The following DAPK2 variants were observed in gnomAD, a reference collection of about 807,000 sequenced individuals.
DAPK2 encodes the protein death associated protein kinase 2, also known as death-associated protein kinase 2.
In DAPK2, 35 loss-of-function variants were observed where a neutral mutation model predicts 44.1. That is an observed-to-expected ratio of 0.79 (90% CI 0.61 to 1.05). The LOEUF (loss-of-function observed/expected upper bound fraction) is 1.05. DAPK2 is among the 50% of genes least tolerant of loss of function. The pLI, the probability that DAPK2 is intolerant of heterozygous loss-of-function variation, is 0.00. For missense variants in DAPK2, 453 were observed against 483.2 expected, an observed-to-expected ratio of 0.94 and a Z score of 0.59; for synonymous variants, 174 against 182.6, an observed-to-expected ratio of 0.95 and a Z score of 0.38.
chr15:63,984,266 C>A (rs764197855), intron 1 of DAPK2, among the ~76,000 whole-genome samples: 2 of 152,208 alleles, frequency 1.3e-5, no homozygotes, highest in African/African-American at 2.4e-5. Context: ...AAGGATAGGT[C>A]ATGTGACTCG....
At chr15:63,967,415 G>A (rs1480385168) in intron 3 of DAPK2, among the ~76,000 whole-genome samples, 2 of 152,142 alleles carry the variant, frequency 1.3e-5, no homozygotes, top group African/African-American at 4.8e-5. Flanking sequence ...ACTGGGTATG[G>A]TGGCTCATGC....
chr15:64,040,087 T>C, intron 1 of DAPK2, 83 bp downstream of exon 2: 2 of 1,131,366 alleles, frequency 1.8e-6, no homozygotes, highest in Admixed American at 3.4e-5. Flanking sequence ...GGCCCTGCCT[T>C]CCAACACCAA....
At chr15:64,041,384 C>A (rs559503512), upstream of DAPK2, among the ~76,000 whole-genome samples, 1 of 152,346 alleles carries the variant, frequency 6.6e-6, no homozygotes, top group South Asian at 2.1e-4. Flanking sequence ...AACTCTGAGC[C>A]ATGGGGAGCA....
At position 63,935,005 on chromosome 15, in the gene DAPK2, T is replaced by C. The variant is rs370550724; in HGVS notation, c.583+4227A>G. ...CATCTTTTAGAAGTTCTGCTAATGA[T>C]GGTGTATTGGTGGCAAACTCTATAT... is the stretch of plus-strand genomic sequence containing the variant. On this transcript the variant is annotated intron_variant, in intron 4 of 10. Transcript: ENST00000261891. 8.5e-4 allele frequency among the ~76,000 whole-genome samples: 130 copies of C among 152,318 alleles called. 1 individual carries two copies. Among genetic ancestry groups the C allele is most frequent in the African/African-American group, 3.1e-3 (127 of 41,572 alleles).
chr15:63,930,205 T>A lies in DAPK2; in HGVS notation c.632+202A>T, dbSNP rs188294840. On this transcript the variant is annotated intron_variant, in intron 5 of 10. Coordinates refer to ENST00000261891, the Ensembl canonical transcript of DAPK2. ...ACAAAGCTCTGACCTGGCCAGGAGCTAACTGGCCTCAGGTCCAGGCCTAGA... is the reference window on the plus strand; with the variant it reads ...ACAAAGCTCTGACCTGGCCAGGAGCAAACTGGCCTCAGGTCCAGGCCTAGA... Among the ~76,000 whole-genome samples the A allele has an allele frequency of 3.9e-4, 59 of 152,348 alleles. 1 individual carries two copies. In the East Asian group the frequency reaches 7.7e-3, roughly 20 times the overall value.
intron 1 of DAPK2, among the ~76,000 whole-genome samples, chr15:63,991,644 G>A (rs1258261010): frequency 6.6e-6 from 1 of 152,174 alleles, no homozygotes; most frequent in Non-Finnish European, 1.5e-5. Flanking sequence ...AACCCCAAAA[G>A]CTCCAGGGAA....
rs113286215 is a variant in DAPK2 at position 63,976,058 on chromosome 15, A to G, written c.315-4497T>C. ...CACTCAATAATCTTAGCATCATGAA[A>G]AGTAGAACAACCGGACATAAAATAG... On this transcript the variant is annotated intron_variant, in intron 2 of 10. Transcript: ENST00000261891. 5.4e-3 allele frequency among the ~76,000 whole-genome samples: 818 copies of G among 152,342 alleles called. 10 individuals carry two copies. The highest frequency in any genetic ancestry group is 0.019 in the African/African-American group (788 of 41,578).
rs200808263 is a variant in DAPK2, at chr15:63,983,660, G to A, written c.187C>T (p.Arg63Trp). 1.2e-4 allele frequency: 201 copies of A among 1,613,980 alleles called. No individual in the cohort carries two copies. In the Middle Eastern group the frequency reaches 5.1e-3, roughly 41 times the overall value. Residue 63 changes from arginine to tryptophan, a missense_variant, in exon 2 of 11, where the codon CGG becomes TGG. Transcript: ENST00000261891. ...ATCTCCTCCCGGCTCACACCGCGCC[G>A]GCTCGCCCGGCTCTGCCGCTTCTTG...
intron 1 of DAPK2, among the ~76,000 whole-genome samples, chr15:63,984,344 A>C (rs2078614071): frequency 6.6e-6 from 1 of 152,230 alleles, no homozygotes; most frequent in African/African-American, 2.4e-5. Context: ...GGCTGTCCAC[A>C]AAGCCTCTGA....
At chr15:63,991,434 T>A in intron 1 of DAPK2, 1 of 425,806 alleles carries the variant, frequency 2.3e-6, no homozygotes, top group Non-Finnish European at 4.7e-6. Context: ...CATGAGCCTG[T>A]TTCCCCTCCC....
chr15:64,026,910 C>T (rs944536740), intron 1 of DAPK2, among the ~76,000 whole-genome samples: 1 of 152,160 alleles, frequency 6.6e-6, no homozygotes, highest in Non-Finnish European at 1.5e-5. Context: ...GTTGGCCTTA[C>T]CTACCTTGTG....
At chr15:64,045,977 G>T (rs1325307077) in intron 1 of DAPK2, among the ~76,000 whole-genome samples, 1 of 152,238 alleles carries the variant, frequency 6.6e-6, no homozygotes, top group African/African-American at 2.4e-5. Context: ...TGCTCTGCCC[G>T]TTCCAGGGGG....
intron 1 of DAPK2, among the ~76,000 whole-genome samples, chr15:64,015,503 GC>G (rs1445983863): frequency 2.0e-5 from 3 of 152,198 alleles, no homozygotes; most frequent in Non-Finnish European, 4.4e-5. Flanking sequence ...ACAGGGGTGG[GC>G]AGTCATAGTG....
chr15:64,040,148 C>G (rs760637917), intron 1 of DAPK2, 22 bp downstream of exon 2: 1 of 1,597,456 alleles, frequency 6.3e-7, no homozygotes, highest in Non-Finnish European at 8.6e-7. Context: ...GGCATCCCCC[C>G]ACCTCTCACA....
intron 7 of DAPK2, among the ~76,000 whole-genome samples, chr15:63,925,678 G>GCGCGCGCGCGCA (rs1352051474): frequency 7.2e-6 from 1 of 138,446 alleles, no homozygotes; most frequent in African/African-American, 2.8e-5. Flanking sequence ...GACTTGTAGC[G>GCGCGCGCGCGCA]CACACACACA....
intron 4 of DAPK2, among the ~76,000 whole-genome samples, chr15:63,932,008 T>TA (rs1178894971): frequency 6.0e-5 from 9 of 149,748 alleles, no homozygotes; most frequent in African/African-American, 1.5e-4. Context: ...CTACTAAAAA[T>TA]AAAAAAAAAT....
rs576837997 is a variant in DAPK2, at chr15:63,935,044, T to G, written c.583+4188A>C. On this transcript the variant is annotated intron_variant, in intron 4 of 10. Coordinates refer to ENST00000261891, the Ensembl canonical transcript of DAPK2. The stretch of plus-strand genomic sequence containing the variant: ...CAAACTCTATATCAATGTTTTGGGG[T>G]TTTTTTTTAATTGTTCTTATTTGTT... Among the ~76,000 whole-genome samples the G allele has an allele frequency of 1.8e-3, 265 of 151,092 alleles. 1 individual carries two copies. The South Asian group carries it at 0.025, about 14-fold the overall frequency.
At chr15:63,999,987 G>A (rs896528588) in intron 1 of DAPK2, among the ~76,000 whole-genome samples, 3 of 151,776 alleles carry the variant, frequency 2.0e-5, no homozygotes, top group African/African-American at 4.8e-5. Context: ...GGCTGGTCTC[G>A]AACTCCTGGG....
intron 3 of DAPK2, chr15:63,942,254 A>G (rs1022142402): frequency 1.0e-6 from 1 of 985,370 alleles, no homozygotes; most frequent in Non-Finnish European, 1.2e-6. Context: ...ACTGGTCTAT[A>G]AGAACCTCAG....
Sources: allele counts gnomAD v4.1 joint callset (sites outside exome capture counted in the v4.1 genomes callset), GRCh38; gene constraint gnomAD v4.1.1; transcripts MANE v1.5; gene names NCBI Gene and HGNC (gene_info 2026-07-23, HGNC 2026-07-21).